Variants in CENPC observed in about 807,000 individuals in gnomAD.
The protein encoded by CENPC is centromere protein C, also known as CENP-C 1.
A neutral mutation model predicts 112.1 loss-of-function variants in CENPC; 63 were observed. The ratio of observed to expected loss-of-function variants is 0.56; its 90% confidence interval spans 0.46 to 0.69. CENPC has a LOEUF of 0.69. CENPC is among the 30% of genes least tolerant of loss of function. The probability of loss-of-function intolerance (pLI) is 0.00; values close to 1 mark genes in which losing one functional copy is unlikely to be tolerated. For missense variants in CENPC, 1,000 were observed against 1,103.8 expected, an observed-to-expected ratio of 0.91 and a Z score of 1.33; for synonymous variants, 333 against 367.6, an observed-to-expected ratio of 0.91 and a Z score of 1.08.
chr4:67,521,022 C>CAAATAAATAAATAAAT (rs79427742), intron 5 of CENPC, among the ~76,000 whole-genome samples: 15 of 150,124 alleles, frequency 1.0e-4, no homozygotes, highest in South Asian at 6.3e-4. Flanking sequence ...AAAAAATAAA[C>CAAATAAATAAATAAAT]AAATAAATAA....
chr4:67,494,661 A>G (rs916988565), intron 13 of CENPC, among the ~76,000 whole-genome samples: 1 of 152,214 alleles, frequency 6.6e-6, no homozygotes. Context: ...AACATCACAG[A>G]AAGGTGGGAA....
At chr4:67,501,763 C>T (rs1725596749) in intron 12 of CENPC, among the ~76,000 whole-genome samples, 1 of 152,072 alleles carries the variant, frequency 6.6e-6, no homozygotes, top group Admixed American at 6.6e-5. Context: ...AATAATATAT[C>T]ATGTCTACAA....
At chr4:67,538,669 G>A (rs1726796857) in intron 4 of CENPC, among the ~76,000 whole-genome samples, 1 of 152,102 alleles carries the variant, frequency 6.6e-6, no homozygotes, top group African/African-American at 2.4e-5. Context: ...TCTCTCTCAA[G>A]CATTCAATCA....
In CENPC at chr4:67,489,620, C is replaced by G. The variant is rs531941589; in HGVS notation, c.2670+347G>C. Reference sequence around the variant, plus strand: ...TTTGAAGAAGTCTTTTAACCTATTTCTCTACTGCATTATCATAGAAATGTG... The same window carrying G: ...TTTGAAGAAGTCTTTTAACCTATTTGTCTACTGCATTATCATAGAAATGTG... On this transcript the variant is annotated intron_variant, in intron 17 of 18. Transcript: ENST00000273853. Among the ~76,000 whole-genome samples the G allele has an allele frequency of 5.9e-5, 9 of 152,164 alleles. No individual in the cohort carries two copies. In the South Asian group the frequency reaches 1.9e-3, roughly 32 times the overall value.
At chr4:67,521,227 T>C (rs1196626810) in intron 5 of CENPC, among the ~76,000 whole-genome samples, 1 of 123,304 alleles carries the variant, frequency 8.1e-6, no homozygotes, top group Non-Finnish European at 1.8e-5. Flanking sequence ...AAGTAAGAAA[T>C]AATGATCAAT....
Position 67,492,231 on chromosome 4 carries a change from A to C in CENPC, c.2464T>G (p.Leu822Val). Residue 822 changes from leucine to valine, a missense_variant, in exon 16 of 19, where the codon TTG becomes GTG. Leu to Val is a conservative substitution (Grantham distance 32). Coordinates refer to ENST00000273853, the MANE Select transcript of CENPC (RefSeq NM_001812.4). ...VNLGIPLGDP[L>V]QPTRVKDPET... Reference sequence around the variant, plus strand: ...GGGTCCTTTACCCTCGTTGGCTGCAAAGGATCTCCAAGAGGTATACCTAGA... The same window carrying C: ...GGGTCCTTTACCCTCGTTGGCTGCACAGGATCTCCAAGAGGTATACCTAGA... 1.3e-6 allele frequency: 2 copies of C among 1,569,004 alleles called. No homozygotes were observed. Among genetic ancestry groups the C allele is most frequent in the South Asian group, 2.3e-5 (2 of 85,296 alleles).
intron 18 of CENPC, among the ~76,000 whole-genome samples, chr4:67,473,336 G>C (rs1326608602): frequency 6.6e-6 from 1 of 152,090 alleles, no homozygotes; most frequent in African/African-American, 2.4e-5. Flanking sequence ...CATGTGACAG[G>C]CTTATTAGAA....
intron 1 of CENPC, 133 bp from the exon 2 acceptor site, chr4:67,544,328 G>C: frequency 1.7e-6 from 1 of 603,834 alleles, no homozygotes; most frequent in Admixed American, 2.9e-5. Flanking sequence ...CAATTTTGAG[G>C]TTATGTTATG....
intron 12 of CENPC, among the ~76,000 whole-genome samples, chr4:67,499,071 C>T (rs1448102005): frequency 6.6e-6 from 1 of 152,202 alleles, no homozygotes; most frequent in Non-Finnish European, 1.5e-5. Context: ...ATTAGAGCTG[C>T]TGGGTGGCCT....
chr4:67,477,714 G>C (rs886447794), intron 17 of CENPC, among the ~76,000 whole-genome samples: 3 of 152,112 alleles, frequency 2.0e-5, no homozygotes, highest in Non-Finnish European at 4.4e-5. Flanking sequence ...TCTCTGAATT[G>C]CCAGAAAAAT....
At chr4:67,530,943 A>G (rs995551754) in intron 4 of CENPC, 29 bp from the exon 5 acceptor site, 4 of 1,162,074 alleles carry the variant, frequency 3.4e-6, no homozygotes, top group Non-Finnish European at 4.9e-6. Context: ...CAACATTAGA[A>G]CTATTTTATT....
rs1344518126 is a variant in CENPC at position 67,518,172 on chromosome 4, G to A, written c.814C>T (p.Arg272Ter). ...FSTLFLETVK[R>*]KSESSPIVRH... ...ATAACTCACCTGGATTCACTTTTTC[G>A]TTTTACTGTTTCTAAAAACAATGTT... Residue 272 changes from arginine (R) to a stop codon, truncating the protein, a stop_gained, in exon 7 of 19, where the codon CGA becomes TGA. Transcript: ENST00000273853. LOFTEE classifies it high-confidence loss of function. 12 of 1,538,998 alleles carry A rather than the reference G, an allele frequency of 7.8e-6. No individual in the cohort carries two copies. The highest frequency in any genetic ancestry group is 2.5e-5 in the South Asian group (2 of 80,472).
rs182867491 is a variant in CENPC at position 67,480,471 on chromosome 4, T to G, written c.2671-5493A>C. Among the ~76,000 whole-genome samples the G allele has an allele frequency of 3.3e-5, 5 of 151,026 alleles. No individual in the cohort carries two copies. The East Asian group carries it at 9.8e-4, about 30-fold the overall frequency. ...GATTAAACCAAGAAGAAATAGAAACTCTAAATAGACCAATAATAAGCAGCA... is the reference window on the plus strand; with the variant it reads ...GATTAAACCAAGAAGAAATAGAAACGCTAAATAGACCAATAATAAGCAGCA... On this transcript the variant is annotated intron_variant, in intron 17 of 18. Coordinates refer to ENST00000273853, the MANE Select transcript of CENPC (RefSeq NM_001812.4).
chr4:67,500,192 G>A (rs1725553779), intron 12 of CENPC, among the ~76,000 whole-genome samples: 2 of 151,842 alleles, frequency 1.3e-5, no homozygotes, highest in African/African-American at 4.8e-5. Context: ...TGCCAATAAG[G>A]CTTACTCAAC....
chr4:67,507,962 T>C (rs978174773), intron 10 of CENPC, among the ~76,000 whole-genome samples: 1 of 152,166 alleles, frequency 6.6e-6, no homozygotes, highest in Non-Finnish European at 1.5e-5. Flanking sequence ...GGACACACTG[T>C]CATTTATTTC....
intron 17 of CENPC, among the ~76,000 whole-genome samples, chr4:67,487,043 T>C (rs1412025420): frequency 6.6e-6 from 1 of 151,276 alleles, no homozygotes; most frequent in Non-Finnish European, 1.5e-5. Context: ...TATTTTTCTA[T>C]CAGGAGGCAC....
chr4:67,510,230 G>A (rs1311567623), intron 9 of CENPC, among the ~76,000 whole-genome samples: 2 of 152,056 alleles, frequency 1.3e-5, no homozygotes, highest in African/African-American at 4.8e-5. Flanking sequence ...ATTAAAGAAA[G>A]AAAAGATCAA....
Position 67,492,218 on chromosome 4 carries a change from C to T in CENPC, c.2477G>A (p.Arg826Lys). Residue 826 changes from arginine (R) to lysine (K), a missense_variant, in exon 16 of 19, where the codon AGG becomes AAG. Physicochemically the swap from Arg to Lys is conservative, Grantham distance 26 (BLOSUM62 2). Transcript: ENST00000273853. ...IPLGDPLQPT[R>K]VKDPETREII... ...CTCTCTTGTTTCTGGGTCCTTTACC[C>T]TCGTTGGCTGCAAAGGATCTCCAAG... The T allele has an allele frequency of 6.4e-7, 1 of 1,569,490 alleles. No homozygotes were observed. The highest frequency in any genetic ancestry group is 8.7e-7 in the Non-Finnish European group (1 of 1,155,178).
chr4:67,540,587 T>C (rs1726859590), intron 3 of CENPC, among the ~76,000 whole-genome samples: 1 of 152,150 alleles, frequency 6.6e-6, no homozygotes, highest in Non-Finnish European at 1.5e-5. Context: ...CAAGAATCAC[T>C]TGAACCTGGG....
Sources: gnomAD v4.1 joint callset for allele counts (sites outside exome capture counted in the v4.1 genomes callset) on GRCh38, gnomAD v4.1.1 for gene constraint, MANE v1.5 for transcripts, NCBI Gene and HGNC (gene_info 2026-07-23, HGNC 2026-07-21) for gene names.